Variants in PAIP2B observed in about 807,000 individuals in gnomAD.
PAIP2B encodes the protein polyadenylate-binding protein-interacting protein 2B.
Under a neutral mutation model 17.0 loss-of-function variants are expected in PAIP2B, and 13 were observed. The observed-to-expected ratio is 0.76, with a 90% CI of 0.50 to 1.22. The LOEUF is 1.22. PAIP2B is among the 50% of genes most tolerant of loss of function. The pLI, the probability that PAIP2B is intolerant of heterozygous loss-of-function variation, is 0.00. For missense variants in PAIP2B, 117 were observed against 144.5 expected (o/e 0.81, Z 0.98); for synonymous variants, 43 against 48.7 (o/e 0.88, Z 0.48).
chr2:71,190,352 A>G (rs528268324), intron 2 of PAIP2B, among the ~76,000 whole-genome samples: 29 of 152,254 alleles, frequency 1.9e-4, no homozygotes, highest in Admixed American at 6.5e-4. Flanking sequence ...TGAATGCAGG[A>G]GGTCAAGGCT....
chr2:71,198,071 G>A (rs994032240), intron 2 of PAIP2B, among the ~76,000 whole-genome samples: 1 of 152,140 alleles, frequency 6.6e-6, no homozygotes, highest in Non-Finnish European at 1.5e-5. Flanking sequence ...CATACTTCTT[G>A]GAGGTTTTTG....
Position 71,188,216 on chromosome 2 carries a change from T to C in PAIP2B, c.*263A>G, listed in dbSNP as rs1674592580. 6.2e-6 allele frequency: 3 copies of C among 481,062 alleles called. No homozygotes were observed. Among genetic ancestry groups the C allele is most frequent in the Admixed American group, 3.8e-5 (1 of 26,416 alleles). The allele number at this position is 481,062 out of a possible 1,614,324, so 29.8% of individuals were successfully genotyped here. On this transcript the variant is annotated 3_prime_UTR_variant, in exon 4 of 4. Transcript: ENST00000244221. ...TTCTGATGAAGGGGGGAAAATGCAA[T>C]TTCCTTAACTCGAAAGAGCTATTTA...
intron 2 of PAIP2B, among the ~76,000 whole-genome samples, chr2:71,196,711 A>G (rs1674829986): frequency 6.6e-6 from 1 of 152,046 alleles, no homozygotes; most frequent in African/African-American, 2.4e-5. Flanking sequence ...TTGTGTGCAT[A>G]TGTATTTAGG....
chr2:71,196,405 G>T (rs925268719), intron 2 of PAIP2B, among the ~76,000 whole-genome samples: 4 of 152,130 alleles, frequency 2.6e-5, no homozygotes, highest in Admixed American at 6.5e-5. Flanking sequence ...TTTTACACTT[G>T]TTGAGGATTG....
chr2:71,200,979 T>C (rs1674965713), intron 2 of PAIP2B, among the ~76,000 whole-genome samples: 1 of 150,786 alleles, frequency 6.6e-6, no homozygotes, highest in Non-Finnish European at 1.5e-5. Context: ...GCTTCTCAAC[T>C]GTCTTTCCTC....
Position 71,185,315 on chromosome 2 carries a change from T to A in PAIP2B, c.*3164A>T, listed in dbSNP as rs242597. The A allele has an allele frequency of 0.13, 20,111 of 151,914 alleles. 1,454 individuals carry two copies. The highest frequency in any genetic ancestry group is 0.19 in the South Asian group (931 of 4,810). 9.4% of individuals were successfully genotyped at this position (151,914 alleles called of 1,614,324 possible). ...CACCCAGCCTATAATCCCAGCACTT[T>A]GGGAGGCTGAGATGGGAGAATCACT... On this transcript the variant is annotated 3_prime_UTR_variant, in exon 4 of 4. Coordinates refer to ENST00000244221, the MANE Select transcript of PAIP2B (RefSeq NM_020459.1).
intron 1 of PAIP2B, among the ~76,000 whole-genome samples, chr2:71,216,271 GAGA>G (rs932604671): frequency 3.3e-5 from 5 of 152,210 alleles, no homozygotes; most frequent in Admixed American, 6.5e-5. Flanking sequence ...TGATGGGGGA[GAGA>G]AGAAGGACAT....
intron 2 of PAIP2B, among the ~76,000 whole-genome samples, chr2:71,202,202 T>C (rs1032462262): frequency 1.3e-5 from 2 of 152,208 alleles, no homozygotes; most frequent in African/African-American, 4.8e-5. Flanking sequence ...ATTAGTCTGA[T>C]ATTTGTTTCC....
At chr2:71,201,386 C>CT (rs375101568) in intron 2 of PAIP2B, among the ~76,000 whole-genome samples, 15,078 of 143,932 alleles carry the variant, frequency 0.1, 1,340 homozygotes, top group East Asian at 0.56. Flanking sequence ...AGTTCTTAAT[C>CT]TTTTTTTTTT....
chr2:71,221,068 T>G (rs1675569029), intron 1 of PAIP2B, among the ~76,000 whole-genome samples: 2 of 152,236 alleles, frequency 1.3e-5, no homozygotes, highest in Non-Finnish European at 1.5e-5. Flanking sequence ...ATTACCTGTA[T>G]TTCTAAATTG....
At chr2:71,191,549 T>C (rs1674687664) in intron 2 of PAIP2B, among the ~76,000 whole-genome samples, 2 of 152,242 alleles carry the variant, frequency 1.3e-5, no homozygotes, top group Non-Finnish European at 2.9e-5. Flanking sequence ...TCTGTCCCCT[T>C]TAAACTTGTT....
Position 71,184,236 on chromosome 2 carries a change from A to G in PAIP2B, c.*4243T>C, listed in dbSNP as rs1674474334. 2.0e-5 allele frequency: 3 copies of G among 152,334 alleles called. No individual in the cohort carries two copies. The highest frequency in any genetic ancestry group is 2.4e-5 in the African/African-American group (1 of 41,592). 9.4% of individuals were successfully genotyped at this position (152,334 alleles called of 1,614,324 possible). Reference sequence around the variant, plus strand: ...CACAAAAGAGACTCCTAGTAACACAATCTGAGGGAGCTTTTTCTTTTGAAA... The same window carrying G: ...CACAAAAGAGACTCCTAGTAACACAGTCTGAGGGAGCTTTTTCTTTTGAAA... On this transcript the variant is annotated 3_prime_UTR_variant, in exon 4 of 4. Transcript: ENST00000244221.
At chr2:71,212,211 A>T (rs931645467) in intron 1 of PAIP2B, among the ~76,000 whole-genome samples, 23 of 152,252 alleles carry the variant, frequency 1.5e-4, no homozygotes, top group African/African-American at 5.3e-4. Flanking sequence ...TATATCAAAT[A>T]AATGCCACTA....
intron 2 of PAIP2B, among the ~76,000 whole-genome samples, chr2:71,200,838 A>G (rs1674961834): frequency 6.6e-6 from 1 of 152,222 alleles, no homozygotes; most frequent in Admixed American, 6.5e-5. Context: ...GGTTGGGGGA[A>G]TTTGAGCAAA....
At chr2:71,205,611 G>C (rs776892851) in intron 1 of PAIP2B, among the ~76,000 whole-genome samples, 6 of 152,296 alleles carry the variant, frequency 3.9e-5, no homozygotes, top group Middle Eastern at 6.8e-3. Context: ...TAACTTCCCT[G>C]AAGTTCCTGC....
intron 1 of PAIP2B, among the ~76,000 whole-genome samples, chr2:71,223,574 C>G (rs59562981): frequency 0.15 from 22,156 of 151,640 alleles, 1,873 homozygotes; most frequent in South Asian, 0.29. Context: ...ATAGCTGGGA[C>G]TACAGGCTCC....
chr2:71,211,143 G>GC (rs1675285522), intron 1 of PAIP2B, among the ~76,000 whole-genome samples: 1 of 151,896 alleles, frequency 6.6e-6, no homozygotes, highest in Non-Finnish European at 1.5e-5. Context: ...GCTATTCGGG[G>GC]AGGTAGGGGG....
intron 2 of PAIP2B, among the ~76,000 whole-genome samples, chr2:71,193,558 A>T (rs537450395): frequency 6.6e-6 from 1 of 152,252 alleles, no homozygotes; most frequent in Admixed American, 6.5e-5. Context: ...CAGGGTTTTT[A>T]TAGTTTTGGG....
intron 2 of PAIP2B, among the ~76,000 whole-genome samples, chr2:71,198,763 T>C (rs976451361): frequency 4.6e-5 from 7 of 152,224 alleles, no homozygotes; most frequent in African/African-American, 1.7e-4. Context: ...TGAGATTCTT[T>C]CCTCAGCTTG....
Sources: allele counts gnomAD v4.1 joint callset (sites outside exome capture counted in the v4.1 genomes callset), GRCh38; gene constraint gnomAD v4.1.1; transcripts MANE v1.5; gene names NCBI Gene and HGNC (gene_info 2026-07-23, HGNC 2026-07-21).